The following DGKG variants were observed in gnomAD, a reference collection of about 807,000 sequenced individuals.
DGKG encodes DAG kinase gamma.
Under a neutral mutation model 105.3 loss-of-function variants are expected in DGKG, and 78 were observed. The observed-to-expected ratio is 0.74, with a 90% CI of 0.62 to 0.89. DGKG has a LOEUF of 0.89. Among genes scored for constraint, DGKG ranks in the 40% least tolerant of loss-of-function variants. The pLI, the probability that DGKG is intolerant of heterozygous loss-of-function variation, is 0.00. For synonymous variants in DGKG, 346 were observed against 367.1 expected, an observed-to-expected ratio of 0.94 and a Z score of 0.66; for missense variants, 958 against 1,020.1, an observed-to-expected ratio of 0.94 and a Z score of 0.83.
chr3:186,246,070 C>A (rs995068617), intron 19 of DGKG, among the ~76,000 whole-genome samples: 8 of 152,162 alleles, frequency 5.3e-5, no homozygotes, highest in Non-Finnish European at 1.2e-4. Context: ...CTCCTGGGTT[C>A]AAGTGATTCT....
intron 3 of DGKG, among the ~76,000 whole-genome samples, chr3:186,302,315 C>T (rs1157389978): frequency 1.3e-5 from 2 of 151,606 alleles, no homozygotes; most frequent in Non-Finnish European, 2.9e-5. Flanking sequence ...AATCAGTGCA[C>T]CTGAGGAATA....
intron 3 of DGKG, chr3:186,306,607 T>G: frequency 3.1e-6 from 1 of 326,648 alleles, no homozygotes; most frequent in African/African-American, 2.1e-5. Context: ...CTGTTCTGTT[T>G]GTTCTATTTT....
chr3:186,154,984 A>G (rs1375228709), intron 24 of DGKG, among the ~76,000 whole-genome samples: 4 of 152,164 alleles, frequency 2.6e-5, no homozygotes, highest in Non-Finnish European at 4.4e-5. Context: ...TGACTTTGAG[A>G]TTCTGCTATC....
chr3:186,361,077 G>T lies in DGKG; in HGVS notation c.-249+869C>A, dbSNP rs1727208292. On this transcript the variant is annotated intron_variant, in intron 1 of 24. Coordinates refer to ENST00000265022, the MANE Select transcript of DGKG (RefSeq NM_001346.3). This position sits in a 1 kb window ranked among gnomAD's most constrained non-coding sequence, Gnocchi z 6.8. The stretch of plus-strand genomic sequence containing the variant: ...GGGGGGCGACTGGGGGAGGGGTCTC[G>T]ACCGCCACCCTGAGTTCCGCAGCTC... Among the ~76,000 whole-genome samples, 1 of 152,198 alleles carries T rather than the reference G, an allele frequency of 6.6e-6. No homozygotes were observed. Among genetic ancestry groups the T allele is most frequent in the South Asian group, 2.1e-4 (1 of 4,834 alleles).
chr3:186,313,857 A>G (rs1201590696), intron 2 of DGKG, among the ~76,000 whole-genome samples: 5 of 152,174 alleles, frequency 3.3e-5, no homozygotes, highest in African/African-American at 1.2e-4. Flanking sequence ...AGATAGAAGC[A>G]ACTAGATATG....
intron 1 of DGKG, among the ~76,000 whole-genome samples, chr3:186,340,408 A>C (rs1469627656): frequency 6.6e-6 from 1 of 152,154 alleles, no homozygotes; most frequent in Non-Finnish European, 1.5e-5. Context: ...GTGTTTAATA[A>C]ATTACAACCC....
intron 1 of DGKG, among the ~76,000 whole-genome samples, chr3:186,340,599 A>G (rs1026690719): frequency 6.6e-6 from 1 of 152,228 alleles, no homozygotes; most frequent in African/African-American, 2.4e-5. Flanking sequence ...TTGCTGATGG[A>G]ATCACATGCA....
rs1281975055 is a variant in DGKG, at chr3:186,148,958, T to TA, written c.*1131_*1132insT. On this transcript the variant is annotated 3_prime_UTR_variant, in exon 25 of 25. Transcript: ENST00000265022. ...GGAAAAGTCCATCAGTAAATAAATA[T>TA]TTATATATATATATATATAAATATA... 3.4e-5 allele frequency: 25 copies of TA among 744,988 alleles called. No homozygotes were observed. The East Asian group carries it at 1.8e-3, about 54-fold the overall frequency. The allele number at this position is 744,988 out of a possible 1,614,324, so 46.1% of individuals were successfully genotyped here.
intron 20 of DGKG, among the ~76,000 whole-genome samples, chr3:186,221,500 G>A (rs1719579124): frequency 6.6e-6 from 1 of 152,202 alleles, no homozygotes; most frequent in African/African-American, 2.4e-5. Flanking sequence ...AGTTAACGGA[G>A]AGCAAAGTCA....
intron 1 of DGKG, among the ~76,000 whole-genome samples, chr3:186,358,471 T>C (rs1460017482): frequency 6.6e-6 from 1 of 150,996 alleles, no homozygotes; most frequent in African/African-American, 2.4e-5. Flanking sequence ...TAGGAACAAC[T>C]CATAGCTAGG....
chr3:186,188,331 C>T lies in DGKG; in HGVS notation c.1966G>A (p.Ala656Thr). The T allele has an allele frequency of 6.2e-7, 1 of 1,614,134 alleles. No homozygotes were observed. The highest frequency in any genetic ancestry group is 8.5e-7 in the Non-Finnish European group (1 of 1,180,040). Residue 656 changes from alanine (A) to threonine (T), a missense_variant, in exon 22 of 25, where the codon GCC (alanine) becomes ACC (threonine). Coordinates refer to ENST00000265022, the MANE Select transcript of DGKG (RefSeq NM_001346.3). ...TACATGCTGGGAATGTTGAGAATGG[C>T]AATGCCTTCCAGGAAGATGTTGCTC... is the stretch of plus-strand genomic sequence containing the variant. Reference protein sequence around the residue: ...DLSNIFLEGIAILNIPSMYGG... With the variant: ...DLSNIFLEGITILNIPSMYGG...
chr3:186,158,529 T>C, intron 24 of DGKG: 3 of 965,722 alleles, frequency 3.1e-6, no homozygotes, highest in Middle Eastern at 5.3e-4. Context: ...GAAAATGACC[T>C]TTATAATTTC....
chr3:186,330,148 A>G (rs1725535059), intron 1 of DGKG, among the ~76,000 whole-genome samples: 1 of 152,226 alleles, frequency 6.6e-6, no homozygotes, highest in Non-Finnish European at 1.5e-5. Context: ...AATTGTTGAT[A>G]GTATCACTTA....
intron 5 of DGKG, 139 bp from the exon 6 acceptor site, chr3:186,289,019 G>T: frequency 1.3e-6 from 1 of 764,854 alleles, no homozygotes; most frequent in Admixed American, 3.1e-5. Context: ...ACATAGATGT[G>T]ACCAAATTAG....
chr3:186,259,707 A>G (rs1231035425), intron 16 of DGKG, among the ~76,000 whole-genome samples: 1 of 151,880 alleles, frequency 6.6e-6, no homozygotes, highest in African/African-American at 2.4e-5. Context: ...GGGGCCGGCC[A>G]GTAGAGGGCT....
chr3:186,252,952 T>C (rs1721293528), intron 18 of DGKG, 141 bp downstream of exon 18: 2 of 696,290 alleles, frequency 2.9e-6, no homozygotes, highest in Admixed American at 2.2e-5. Context: ...GAAAGGGTCA[T>C]GGACTTGACA....
Position 186,346,494 on chromosome 3 carries a change from A to G in DGKG, c.-249+15452T>C, listed in dbSNP as rs548446416. On this transcript the variant is annotated intron_variant, in intron 1 of 24. Coordinates refer to ENST00000265022, the MANE Select transcript of DGKG (RefSeq NM_001346.3). The stretch of plus-strand genomic sequence containing the variant: ...TTCCTATATGTTTTACTCTTTATTC[A>G]TTCTTAAAGAAGGAAGCATTCTATA... Among the ~76,000 whole-genome samples, 3 of 152,156 alleles carry G rather than the reference A, an allele frequency of 2.0e-5. No homozygotes were observed. The East Asian group carries it at 5.8e-4, about 29-fold the overall frequency.
chr3:186,334,841 C>T (rs149095240), intron 1 of DGKG, among the ~76,000 whole-genome samples: 9 of 151,950 alleles, frequency 5.9e-5, no homozygotes, highest in African/African-American at 1.2e-4. Context: ...ACAAAGTTAA[C>T]GGGCATTGGC....
At chr3:186,328,936 C>T (rs1480900294) in intron 1 of DGKG, among the ~76,000 whole-genome samples, 3 of 152,154 alleles carry the variant, frequency 2.0e-5, no homozygotes, top group African/African-American at 7.2e-5. Context: ...TTGCCTGACT[C>T]TCCAGATGGT....
Sources: gnomAD v4.1 joint callset for allele counts (sites outside exome capture counted in the v4.1 genomes callset) on GRCh38, gnomAD v4.1.1 for gene constraint, Gnocchi (gnomAD v3.1) non-coding constraint, MANE v1.5 for transcripts, NCBI Gene and HGNC (gene_info 2026-07-23, HGNC 2026-07-21) for gene names.